TPRG1: variants seen among roughly 807,000 people sequenced by gnomAD.
TPRG1 encodes the protein tumor protein p63 regulated 1, also known as tumor protein p63-regulated gene 1 protein.
Under a neutral mutation model 29.3 loss-of-function variants are expected in TPRG1, and 29 were observed. That is an observed-to-expected ratio of 0.99 (90% CI 0.74 to 1.35). The LOEUF is 1.35. Among genes scored for constraint, TPRG1 ranks in the 40% most tolerant of loss-of-function variants. TPRG1 has a pLI of 0.00. For missense variants in TPRG1, 327 were observed against 335.0 expected (o/e 0.98, Z 0.19); for synonymous variants, 130 against 116.8 (o/e 1.11, Z -0.73).
intron 1 of TPRG1, among the ~76,000 whole-genome samples, chr3:189,184,067 T>C (rs544836470): frequency 6.6e-6 from 1 of 152,280 alleles, no homozygotes; most frequent in East Asian, 1.9e-4. Flanking sequence ...GTCCATGAAA[T>C]CGTCACAATC....
chr3:189,046,933 C>T (rs542384012), intron 4 of TPRG1, among the ~76,000 whole-genome samples: 11 of 152,152 alleles, frequency 7.2e-5, no homozygotes, highest in South Asian at 6.2e-4. Flanking sequence ...CAAAACAAAA[C>T]GACAACAATG....
intron 3 of TPRG1, among the ~76,000 whole-genome samples, chr3:189,236,492 C>G (rs1301641340): frequency 1.3e-5 from 2 of 152,172 alleles, no homozygotes; most frequent in Non-Finnish European, 2.9e-5. Context: ...CAAGAATTTC[C>G]TCTTTCTCTC....
chr3:189,036,755 AAG>A (rs1385222926), intron 4 of TPRG1, among the ~76,000 whole-genome samples: 3 of 152,024 alleles, frequency 2.0e-5, no homozygotes, highest in African/African-American at 7.2e-5. Flanking sequence ...TAGAATAAAA[AAG>A]GTGATGTAAA....
At chr3:189,056,025 C>CTCCCT (rs147266937) in intron 4 of TPRG1, among the ~76,000 whole-genome samples, 1,634 of 109,612 alleles carry the variant, frequency 0.015, 76 homozygotes, top group African/African-American at 0.028. Flanking sequence ...CCTCCCTTCC[C>CTCCCT]TCCCTCCCTT....
intron 1 of TPRG1, among the ~76,000 whole-genome samples, chr3:189,120,539 T>TA (rs1031798642): frequency 5.9e-5 from 9 of 152,166 alleles, no homozygotes; most frequent in Non-Finnish European, 1.3e-4. Flanking sequence ...TACTGACATT[T>TA]AAAAAAATGC....
At chr3:189,085,450 T>TGTGTGTGCGTGC (rs1717872399) in intron 4 of TPRG1, among the ~76,000 whole-genome samples, 1 of 132,936 alleles carries the variant, frequency 7.5e-6, no homozygotes, top group African/African-American at 2.5e-5. Context: ...TGTGTGCATG[T>TGTGTGTGCGTGC]GTGTGTGTGT....
chr3:189,075,704 A>G (rs1014347954), intron 4 of TPRG1, among the ~76,000 whole-genome samples: 1 of 152,188 alleles, frequency 6.6e-6, no homozygotes, highest in African/African-American at 2.4e-5. Context: ...GTTCCACATC[A>G]GAGTGTATTT....
At chr3:189,083,110 C>A (rs1026069961) in intron 4 of TPRG1, among the ~76,000 whole-genome samples, 1 of 152,080 alleles carries the variant, frequency 6.6e-6, no homozygotes, top group African/African-American at 2.4e-5. Flanking sequence ...TGGAAGCTGG[C>A]AGGCCTGTTT....
intron 3 of TPRG1, among the ~76,000 whole-genome samples, chr3:189,009,007 C>T (rs1343257175): frequency 2.0e-5 from 3 of 152,008 alleles, no homozygotes; most frequent in Non-Finnish European, 2.9e-5. Context: ...GAAGGGTGTG[C>T]GAGTAAACTG....
chr3:189,292,804 A>G (rs1235305120), intron 4 of TPRG1, among the ~76,000 whole-genome samples: 1 of 152,192 alleles, frequency 6.6e-6, no homozygotes, highest in Non-Finnish European at 1.5e-5. Context: ...AGATTTTGTT[A>G]TTAAATACTA....
intron 3 of TPRG1, among the ~76,000 whole-genome samples, chr3:189,225,572 G>A (rs1737601004): frequency 6.6e-6 from 1 of 152,202 alleles, no homozygotes; most frequent in Non-Finnish European, 1.5e-5. Flanking sequence ...TTAATGTTGA[G>A]GCTATCAACA....
chr3:189,053,573 T>G (rs898503546), intron 4 of TPRG1, among the ~76,000 whole-genome samples: 1 of 152,284 alleles, frequency 6.6e-6, no homozygotes, highest in Non-Finnish European at 1.5e-5. Context: ...TGCTCCTTGC[T>G]CCTCCCTAAT....
At chr3:189,150,266 T>C (rs976541396) in intron 4 of TPRG1, among the ~76,000 whole-genome samples, 1 of 152,216 alleles carries the variant, frequency 6.6e-6, no homozygotes, top group Admixed American at 6.5e-5. Flanking sequence ...CACTGCAACC[T>C]CCACCTCCTG....
intron 4 of TPRG1, among the ~76,000 whole-genome samples, chr3:189,078,429 G>A (rs1352263958): frequency 6.6e-6 from 1 of 151,970 alleles, no homozygotes. Flanking sequence ...GAGCTACTGT[G>A]CCTGGCCAAA....
intron 4 of TPRG1, among the ~76,000 whole-genome samples, chr3:189,053,554 A>G (rs1196509946): frequency 6.6e-6 from 1 of 152,124 alleles, no homozygotes; most frequent in African/African-American, 2.4e-5. Context: ...CTTCCTGTTG[A>G]CCAACTCCTG....
chr3:189,282,128 G>A (rs1316313020), intron 4 of TPRG1, among the ~76,000 whole-genome samples: 4 of 148,870 alleles, frequency 2.7e-5, no homozygotes, highest in Non-Finnish European at 3.0e-5. Context: ...CAATCCGCCC[G>A]CCTTGGCTGA....
chr3:189,015,873 T>A (rs1397910922), intron 3 of TPRG1, among the ~76,000 whole-genome samples: 1 of 152,170 alleles, frequency 6.6e-6, no homozygotes, highest in African/African-American at 2.4e-5. Flanking sequence ...GGCAGAAGTT[T>A]ACTGTAGGCA....
At chr3:189,211,662 T>C (rs1452148227) in intron 2 of TPRG1, 1 of 152,116 alleles carries the variant, frequency 6.6e-6, no homozygotes, top group African/African-American at 2.4e-5. Context: ...AGAAGGGTCT[T>C]GAAGAATATT....
intron 4 of TPRG1, among the ~76,000 whole-genome samples, chr3:189,274,935 AGTGTGTGTGTGTGTGT>A (rs57386934): frequency 6.5e-5 from 9 of 137,734 alleles, no homozygotes; most frequent in South Asian, 4.9e-4. Context: ...TAATGTAATG[AGTGTGTGTGTGTGTGT>A]GTGTGTGTGT....
Sources: gnomAD v4.1 joint callset for allele counts (sites outside exome capture counted in the v4.1 genomes callset) on GRCh38, gnomAD v4.1.1 for gene constraint, MANE v1.5 for transcripts, NCBI Gene and HGNC (gene_info 2026-07-23, HGNC 2026-07-21) for gene names.